MFHAS1: variants seen among roughly 807,000 people sequenced by gnomAD.
The protein encoded by MFHAS1 is malignant fibrous histiocytoma-amplified sequence 1.
Under a neutral mutation model 70.4 loss-of-function variants are expected in MFHAS1, and 50 were observed. The ratio of observed to expected loss-of-function variants is 0.71; its 90% confidence interval spans 0.57 to 0.90. The LOEUF (loss-of-function observed/expected upper bound fraction) is 0.90. Ranked by LOEUF, MFHAS1 falls within the 40% of genes least tolerant of loss-of-function variation. MFHAS1 has a pLI of 0.00. For missense variants in MFHAS1, 1,795 were observed against 1,347.6 expected (o/e 1.33, Z -5.20); for synonymous variants, 952 against 620.0 (o/e 1.54, Z -7.96).
rs1805429644 is a variant in MFHAS1, at chr8:8,783,454, C to T, written c.*2568G>A. On this transcript the variant is annotated 3_prime_UTR_variant, in exon 3 of 3. Transcript: ENST00000276282. The stretch of plus-strand genomic sequence containing the variant: ...CACAATTAAAATTCACAAACCATGG[C>T]ATGAAAAACAACACGCACCCCATCA... 1 of 152,156 alleles carries T rather than the reference C, an allele frequency of 6.6e-6. No individual in the cohort carries two copies. The allele number at this position is 152,156 out of a possible 1,614,324, so 9.4% of individuals were successfully genotyped here. A position where few individuals can be genotyped will look rare whatever the true frequency, so the allele number is the denominator to read the frequency against.
chr8:8,793,024 G>C (rs112536924), intron 2 of MFHAS1, among the ~76,000 whole-genome samples: 7 of 152,168 alleles, frequency 4.6e-5, no homozygotes, highest in Non-Finnish European at 7.3e-5. Flanking sequence ...GGGAGAAGAA[G>C]CCACTCAGCT....
chr8:8,885,192 T>C (rs1028364672), intron 1 of MFHAS1, among the ~76,000 whole-genome samples: 7 of 152,166 alleles, frequency 4.6e-5, no homozygotes, highest in African/African-American at 1.7e-4. Context: ...AGAAGACATT[T>C]GGCATGAGAT....
chr8:8,809,766 C>T (rs1806479557), intron 1 of MFHAS1, among the ~76,000 whole-genome samples: 1 of 152,060 alleles, frequency 6.6e-6, no homozygotes, highest in African/African-American at 2.4e-5. Context: ...TCTCCTCTCA[C>T]AAAACACAAG....
At chr8:8,809,406 C>T (rs6988939) in intron 1 of MFHAS1, among the ~76,000 whole-genome samples, 99,232 of 151,608 alleles carry the variant, frequency 0.65, 33,200 homozygotes, top group East Asian at 0.84. Flanking sequence ...TCTACAATGG[C>T]CCGACATGTA....
chr8:8,882,103 G>C (rs542695695), intron 1 of MFHAS1, among the ~76,000 whole-genome samples: 2 of 152,092 alleles, frequency 1.3e-5, no homozygotes, highest in African/African-American at 2.4e-5. Flanking sequence ...ATCACAGGCC[G>C]AGCATGGTGG....
intron 1 of MFHAS1, among the ~76,000 whole-genome samples, chr8:8,850,388 T>C (rs573972404): frequency 1.3e-5 from 2 of 152,216 alleles, no homozygotes; most frequent in Non-Finnish European, 2.9e-5. Flanking sequence ...ATTAGAGAGA[T>C]AGACTGTGGT....
intron 1 of MFHAS1, among the ~76,000 whole-genome samples, chr8:8,865,682 A>T (rs1409314859): frequency 6.6e-6 from 1 of 152,214 alleles, no homozygotes; most frequent in Non-Finnish European, 1.5e-5. Flanking sequence ...AGGCTCCTAT[A>T]ACTTCTTTGA....
intron 1 of MFHAS1, among the ~76,000 whole-genome samples, chr8:8,832,062 G>GCACACACACA (rs59984727): frequency 5.3e-5 from 8 of 149,592 alleles, no homozygotes; most frequent in African/African-American, 9.9e-5. Flanking sequence ...GCGCGCGCGC[G>GCACACACACA]CACACACACA....
chr8:8,795,006 T>C (rs538977302), intron 2 of MFHAS1, among the ~76,000 whole-genome samples: 55 of 152,352 alleles, frequency 3.6e-4, no homozygotes, highest in Non-Finnish European at 7.2e-4. Context: ...GGAAGGTTTC[T>C]AGCGCAAATG....
At chr8:8,825,006 G>A (rs1393149734) in intron 1 of MFHAS1, among the ~76,000 whole-genome samples, 1 of 152,206 alleles carries the variant, frequency 6.6e-6, no homozygotes, top group African/African-American at 2.4e-5. Flanking sequence ...TTTCACCAAG[G>A]AAGGGAATAG....
chr8:8,847,160 T>A (rs77908574), intron 1 of MFHAS1, among the ~76,000 whole-genome samples: 3,167 of 152,310 alleles, frequency 0.021, 60 homozygotes, highest in Middle Eastern at 0.037. Context: ...TACTTGTGTA[T>A]ACTCGCTAGT....
At chr8:8,827,845 T>C (rs1351967806) in intron 1 of MFHAS1, among the ~76,000 whole-genome samples, 1 of 152,240 alleles carries the variant, frequency 6.6e-6, no homozygotes, top group Admixed American at 6.5e-5. Flanking sequence ...TTACTCATGT[T>C]TCGTCTAATA....
At chr8:8,887,267 C>T (rs1411266278) in intron 1 of MFHAS1, among the ~76,000 whole-genome samples, 2 of 152,180 alleles carry the variant, frequency 1.3e-5, no homozygotes, top group Non-Finnish European at 2.9e-5. Flanking sequence ...CTTAAACACT[C>T]AACATAATTC....
At position 8,801,366 on chromosome 8, in the gene MFHAS1, C is replaced by T. The variant is rs542759341; in HGVS notation, c.2999-3875G>A. 2.5e-4 allele frequency among the ~76,000 whole-genome samples: 38 copies of T among 152,316 alleles called. No homozygotes were observed. The East Asian group carries it at 3.3e-3, about 13-fold the overall frequency. ...CTAGCAGGACTGCCATCCATGGAAA[C>T]AGAGCACGAAGGTGGAAGGCACTGA... On this transcript the variant is annotated intron_variant, in intron 1 of 2. Coordinates refer to ENST00000276282, the MANE Select transcript of MFHAS1 (RefSeq NM_004225.3).
chr8:8,842,540 C>G (rs1295694290), intron 1 of MFHAS1, among the ~76,000 whole-genome samples: 1 of 152,120 alleles, frequency 6.6e-6, no homozygotes, highest in Admixed American at 6.6e-5. Flanking sequence ...TAACTCACAA[C>G]ATCAAAGTGA....
intron 2 of MFHAS1, among the ~76,000 whole-genome samples, chr8:8,786,309 T>C (rs1484644317): frequency 1.3e-5 from 2 of 152,222 alleles, no homozygotes; most frequent in Non-Finnish European, 2.9e-5. Context: ...GAGGGAACTG[T>C]ACTAACTGGC....
rs555470075 is a variant in MFHAS1 at position 8,837,064 on chromosome 8, T to G, written c.2999-39573A>C. The stretch of plus-strand genomic sequence containing the variant: ...CGTGCAATGGCGGAACTTGTGACTT[T>G]GGCAAAACATAATAACTAGGCTCAG... On this transcript the variant is annotated intron_variant, in intron 1 of 2. Coordinates refer to ENST00000276282, the MANE Select transcript of MFHAS1 (RefSeq NM_004225.3). 1.9e-4 allele frequency among the ~76,000 whole-genome samples: 29 copies of G among 152,324 alleles called. No homozygotes were observed. The South Asian group carries it at 6.0e-3, about 32-fold the overall frequency.
intron 1 of MFHAS1, among the ~76,000 whole-genome samples, chr8:8,861,194 T>C (rs1205614887): frequency 6.6e-6 from 1 of 152,210 alleles, no homozygotes; most frequent in Non-Finnish European, 1.5e-5. Flanking sequence ...ACATGTAATG[T>C]AAAACAGAAC....
At chr8:8,797,074 T>G (rs1472345871) in intron 2 of MFHAS1, among the ~76,000 whole-genome samples, 1 of 151,478 alleles carries the variant, frequency 6.6e-6, no homozygotes. Context: ...ACTGTACACT[T>G]AGGTAAGTGA....
Sources: allele counts gnomAD v4.1 joint callset (sites outside exome capture counted in the v4.1 genomes callset), GRCh38; gene constraint gnomAD v4.1.1; transcripts MANE v1.5; gene names NCBI Gene and HGNC (gene_info 2026-07-23, HGNC 2026-07-21).